Variants in POLR2F observed in about 807,000 individuals in gnomAD.
POLR2F encodes the protein RNA polymerase II, I and III subunit F.
A neutral mutation model predicts 22.7 loss-of-function variants in POLR2F; 12 were observed. That is an observed-to-expected ratio of 0.53 (90% confidence interval 0.34 to 0.86). The LOEUF is 0.86. POLR2F is among the 40% of genes least tolerant of loss of function. The pLI, the probability that POLR2F is intolerant of heterozygous loss-of-function variation, is 0.02. For synonymous variants in POLR2F, 57 were observed against 66.0 expected (o/e 0.86, Z 0.66); for missense variants, 126 against 171.5 (o/e 0.73, Z 1.48).
intron 1 of POLR2F, among the ~76,000 whole-genome samples, chr22:38,024,640 G>C (rs867246873): frequency 5.3e-5 from 8 of 152,250 alleles, no homozygotes; most frequent in African/African-American, 1.9e-4. Flanking sequence ...GAATGCCCCA[G>C]GCAGACCAGG....
chr22:38,037,158 G>A (rs1245395936), intron 5 of POLR2F, among the ~76,000 whole-genome samples: 1 of 152,182 alleles, frequency 6.6e-6, no homozygotes. Context: ...GTCCACTGCT[G>A]TAGCCCCAGA....
At chr22:38,022,459 G>A (rs2084967786) in intron 1 of POLR2F, among the ~76,000 whole-genome samples, 1 of 150,742 alleles carries the variant, frequency 6.6e-6, no homozygotes, top group Non-Finnish European at 1.5e-5. Flanking sequence ...GCTGAGGTGG[G>A]AGAATTGCTT....
chr22:38,039,680 CA>C (rs1346074143), intron 5 of POLR2F, among the ~76,000 whole-genome samples: 22 of 152,210 alleles, frequency 1.4e-4, no homozygotes, highest in Non-Finnish European at 1.6e-4. Context: ...GCAAAGGAAG[CA>C]AAGGCACTGC....
chr22:37,996,579 C>G (rs2084716145), intron 1 of POLR2F, among the ~76,000 whole-genome samples: 1 of 152,230 alleles, frequency 6.6e-6, no homozygotes, highest in Admixed American at 6.5e-5. Context: ...AGGGCACTGC[C>G]CACTTACACC....
chr22:38,030,299 G>A (rs1193565728), downstream of POLR2F, among the ~76,000 whole-genome samples: 1 of 152,136 alleles, frequency 6.6e-6, no homozygotes, highest in Non-Finnish European at 1.5e-5. Flanking sequence ...ACAGTCATGT[G>A]CTGGTAAATA....
At chr22:37,973,785 C>T (rs551334981), downstream of POLR2F, 12 of 1,594,574 alleles carry the variant, frequency 7.5e-6, no homozygotes, top group African/African-American at 6.7e-5. Context: ...GATGGCTGGT[C>T]GGTGTAGTGT....
chr22:38,001,523 G>T (rs560402786), intron 1 of POLR2F, among the ~76,000 whole-genome samples: 179 of 152,180 alleles, frequency 1.2e-3, no homozygotes, highest in African/African-American at 4.2e-3. Flanking sequence ...GGAGGCTCCT[G>T]GACTATAGAG....
chr22:38,003,263 G>C (rs935524147), intron 1 of POLR2F, among the ~76,000 whole-genome samples: 13 of 150,772 alleles, frequency 8.6e-5, no homozygotes, highest in Non-Finnish European at 1.9e-4. Flanking sequence ...GTCTTGCTCT[G>C]TTGCCCAGGC....
chr22:37,974,195 T>A (rs1932153836), downstream of POLR2F: 1 of 1,599,852 alleles, frequency 6.3e-7, no homozygotes, highest in African/African-American at 1.3e-5. The surrounding 1 kb of genome is among the most constrained non-coding windows in gnomAD (Gnocchi z 5.4). Context: ...GCCATGGCTC[T>A]GGCCTGGGTA....
Position 37,968,701 on chromosome 22 carries a change from G to A in POLR2F, c.*986G>A, listed in dbSNP as rs566871088. On this transcript the variant is annotated 3_prime_UTR_variant, in exon 5 of 5. Coordinates refer to ENST00000442738, the MANE Select transcript of POLR2F (RefSeq NM_021974.5). ...ATGAACAGGGATAGAGGGTAAACTG[G>A]CTCCCTGAATATGCCAGCCTTAACC... The A allele has an allele frequency of 9.1e-6, 9 of 985,440 alleles. No individual in the cohort carries two copies. The highest frequency in any genetic ancestry group is 1.1e-5 in the Non-Finnish European group (9 of 829,936). The allele number at this position is 985,440 out of a possible 1,614,324, so 61.0% of individuals were successfully genotyped here.
At chr22:37,966,742 G>A (rs1287694350) in intron 3 of POLR2F, among the ~76,000 whole-genome samples, 1 of 152,144 alleles carries the variant, frequency 6.6e-6, no homozygotes, top group African/African-American at 2.4e-5. Context: ...TCCAGTCTGG[G>A]CAATGGGAGT....
chr22:37,973,491 C>G, downstream of POLR2F: 1 of 1,571,358 alleles, frequency 6.4e-7, no homozygotes, highest in Non-Finnish European at 8.7e-7. Context: ...CGACAGGGCC[C>G]CCTTTAGGGC....
intron 4 of POLR2F, 145 bp downstream of exon 4, chr22:37,967,315 T>C: frequency 6.6e-7 from 1 of 1,506,228 alleles, no homozygotes; most frequent in Non-Finnish European, 8.8e-7. Flanking sequence ...CACCAGGAAG[T>C]AGGAGGAAGA....
upstream of POLR2F, among the ~76,000 whole-genome samples, chr22:37,985,561 G>A (rs773236337): frequency 3.9e-5 from 6 of 152,166 alleles, no homozygotes; most frequent in African/African-American, 1.2e-4. Context: ...TGTTGAGGCC[G>A]AGGTGGGGTG....
At chr22:38,013,093 TTCCTTCCCTTCCTTC>T (rs1239044311) in intron 1 of POLR2F, among the ~76,000 whole-genome samples, 17 of 150,656 alleles carry the variant, frequency 1.1e-4, no homozygotes, top group African/African-American at 3.9e-4. Context: ...CTTCCTTCCC[TTCCTTCCCTTCCTTC>T]CCTTCCTTCC....
rs1931223334 is a variant in POLR2F at position 37,953,716 on chromosome 22, AGTCGTAGT to A, written c.-67_-60del. The A allele has an allele frequency of 6.4e-7, 1 of 1,555,376 alleles. No individual in the cohort carries two copies. Among genetic ancestry groups the A allele is most frequent in the African/African-American group, 1.3e-5 (1 of 74,310 alleles). On this transcript the variant is annotated 5_prime_UTR_variant, in exon 1 of 5. Coordinates refer to ENST00000442738, the MANE Select transcript of POLR2F (RefSeq NM_021974.5). ...CGCAAGATAAGCTAGGAGCCGCGCG[AGTCGTAGT>A]GTCGCTGTTTGCGGGTCTCCGCGCG...
intron 1 of POLR2F, among the ~76,000 whole-genome samples, chr22:37,999,233 T>C (rs1467312619): frequency 3.3e-5 from 5 of 152,238 alleles, no homozygotes; most frequent in African/African-American, 9.6e-5. Flanking sequence ...TCCTGAGTTG[T>C]ACCCTCTGTC....
chr22:37,964,431 CT>C (rs892201288), intron 3 of POLR2F, among the ~76,000 whole-genome samples: 2 of 152,144 alleles, frequency 1.3e-5, no homozygotes, highest in African/African-American at 4.8e-5. Context: ...GAAGATGACA[CT>C]GGTCCTGTGA....
chr22:38,034,454 G>A (rs375310874), intron 5 of POLR2F, among the ~76,000 whole-genome samples: 11 of 152,206 alleles, frequency 7.2e-5, no homozygotes, highest in Non-Finnish European at 1.6e-4. Flanking sequence ...TCCAAGAAGC[G>A]GGGGAGGGGA....
Sources: gnomAD v4.1 joint callset for allele counts (sites outside exome capture counted in the v4.1 genomes callset) on GRCh38, gnomAD v4.1.1 for gene constraint, Gnocchi (gnomAD v3.1) non-coding constraint, MANE v1.5 for transcripts, NCBI Gene and HGNC (gene_info 2026-07-23, HGNC 2026-07-21) for gene names.